ZBTB20: variants seen among roughly 807,000 people sequenced by gnomAD.
ZBTB20 encodes the protein zinc finger and BTB domain containing 20, also known as zinc finger and BTB domain-containing protein 20.
In ZBTB20, 9 loss-of-function variants were observed where a neutral mutation model predicts 56.9. The observed-to-expected ratio is 0.16, with a 90% CI of 0.10 to 0.28. The LOEUF (loss-of-function observed/expected upper bound fraction) is 0.28, where lower values mean the gene tolerates loss of function less well. ZBTB20 is among the 10% of genes least tolerant of loss of function. ZBTB20 has a pLI of 1.00. For synonymous variants in ZBTB20, 417 were observed against 420.7 expected (o/e 0.99, Z 0.11); for missense variants, 655 against 1,003.0 (o/e 0.65, Z 4.69).
At chr3:114,562,196 G>C (rs1420681125) in intron 6 of ZBTB20, among the ~76,000 whole-genome samples, 1 of 147,478 alleles carries the variant, frequency 6.8e-6, no homozygotes, top group African/African-American at 2.5e-5. Context: ...TTTTTTTTGA[G>C]ACGGTGTCAC....
intron 3 of ZBTB20, among the ~76,000 whole-genome samples, chr3:114,961,720 C>T (rs1267617072): frequency 6.6e-6 from 1 of 152,106 alleles, no homozygotes; most frequent in Non-Finnish European, 1.5e-5. Context: ...TAATACTTGT[C>T]TCATAACAGG....
chr3:114,574,438 A>G (rs953150048), intron 6 of ZBTB20, among the ~76,000 whole-genome samples: 3 of 152,238 alleles, frequency 2.0e-5, no homozygotes, highest in Non-Finnish European at 4.4e-5. Context: ...CTGTACCATT[A>G]CCAGCACTGA....
intron 7 of ZBTB20, among the ~76,000 whole-genome samples, chr3:114,493,084 A>AT (rs149914425): frequency 0.015 from 2,245 of 152,188 alleles, 33 homozygotes; most frequent in South Asian, 0.067. Flanking sequence ...ATCCTTACAT[A>AT]TTTTTTTCAT....
intron 1 of ZBTB20, among the ~76,000 whole-genome samples, chr3:115,104,102 C>T (rs78415974): frequency 3.3e-5 from 5 of 152,240 alleles, no homozygotes; most frequent in Non-Finnish European, 7.4e-5. Context: ...GAAAGGGGCT[C>T]CATATTATAT....
chr3:115,082,878 C>T (rs1576736881), intron 1 of ZBTB20, among the ~76,000 whole-genome samples: 2 of 151,946 alleles, frequency 1.3e-5, no homozygotes, highest in East Asian at 1.9e-4. Context: ...TAAATATACT[C>T]ATATTGTAAT....
intron 3 of ZBTB20, among the ~76,000 whole-genome samples, chr3:114,937,946 A>T (rs1006522926): frequency 6.6e-6 from 1 of 151,718 alleles, no homozygotes; most frequent in Admixed American, 6.6e-5. Context: ...AAACACAAAA[A>T]AATTGGCCGG....
intron 7 of ZBTB20, among the ~76,000 whole-genome samples, chr3:114,429,422 A>G (rs2089956664): frequency 6.6e-6 from 1 of 152,194 alleles, no homozygotes; most frequent in Non-Finnish European, 1.5e-5. Flanking sequence ...TAAAGATTGG[A>G]TTTCAGCTAT....
At chr3:114,728,263 T>C (rs1245813057) in intron 5 of ZBTB20, among the ~76,000 whole-genome samples, 1 of 152,176 alleles carries the variant, frequency 6.6e-6, no homozygotes, top group African/African-American at 2.4e-5. Context: ...GTTTATAAAT[T>C]ATTCTCACAA....
intron 4 of ZBTB20, among the ~76,000 whole-genome samples, chr3:114,824,078 A>C (rs2073394319): frequency 6.6e-6 from 1 of 151,970 alleles, no homozygotes; most frequent in African/African-American, 2.4e-5. Context: ...GTAGCTAGGA[A>C]ACGCTCCTCA....
rs1187167190 is a variant in ZBTB20, at chr3:114,380,239, G to A, written c.177C>T (p.His59=). 5.2e-6 allele frequency: 8 copies of A among 1,536,964 alleles called. No homozygotes were observed. Among genetic ancestry groups the A allele is most frequent in the African/African-American group, 2.7e-5 (2 of 73,120 alleles). Residue 59 remains histidine, a synonymous_variant, in exon 10 of 12, where the codon CAC becomes CAT. Coordinates refer to ENST00000675478, the MANE Select transcript of ZBTB20 (RefSeq NM_001348800.3). The part of the protein sequence containing the change: ...IHSTHSLTNS[H]AHTGSSDCDI... The stretch of plus-strand genomic sequence containing the variant: ...CACAATCAGATGACCCGGTGTGAGC[G>A]TGAGAGTTTGTCAGTGAATGTGTTG...
chr3:114,392,228 CT>C (rs933925086), intron 7 of ZBTB20, among the ~76,000 whole-genome samples: 50 of 152,076 alleles, frequency 3.3e-4, no homozygotes, highest in African/African-American at 1.2e-3. Flanking sequence ...AACAGAGTGA[CT>C]ATAGTCAATA....
chr3:114,772,550 C>G (rs367685274), intron 5 of ZBTB20, among the ~76,000 whole-genome samples: 1 of 151,870 alleles, frequency 6.6e-6, no homozygotes, highest in East Asian at 1.9e-4. Flanking sequence ...TTTCCCTCGC[C>G]CCTAGTTATT....
chr3:115,082,673 A>G (rs1289150328), intron 1 of ZBTB20, among the ~76,000 whole-genome samples: 1 of 152,142 alleles, frequency 6.6e-6, no homozygotes, highest in Non-Finnish European at 1.5e-5. Flanking sequence ...ACAAAAATAG[A>G]AAACAATTTA....
chr3:114,780,539 G>A (rs2070002341), intron 5 of ZBTB20, among the ~76,000 whole-genome samples: 1 of 152,178 alleles, frequency 6.6e-6, no homozygotes, highest in South Asian at 2.1e-4. Context: ...CCAGGCTGGA[G>A]TGCAGTGGTG....
chr3:114,716,990 C>T (rs377276307), intron 5 of ZBTB20, among the ~76,000 whole-genome samples: 120 of 152,126 alleles, frequency 7.9e-4, no homozygotes, highest in African/African-American at 2.9e-3. Context: ...CAAAAGGCTA[C>T]AGGGGAGGTG....
intron 2 of ZBTB20, among the ~76,000 whole-genome samples, chr3:115,037,616 A>T (rs2108375150): frequency 6.6e-6 from 1 of 152,300 alleles, no homozygotes; most frequent in South Asian, 2.1e-4. Flanking sequence ...GGTAATTTGG[A>T]CTTTCAAAAC....
chr3:114,384,100 T>TTTTCTC (rs2084744763), intron 8 of ZBTB20, among the ~76,000 whole-genome samples: 9 of 139,248 alleles, frequency 6.5e-5, no homozygotes, highest in Non-Finnish European at 3.1e-5. Context: ...TCAGTTCTCA[T>TTTTCTC]TCTCTCTCTC....
At chr3:114,987,973 C>A (rs1486946287) in intron 2 of ZBTB20, among the ~76,000 whole-genome samples, 1 of 151,916 alleles carries the variant, frequency 6.6e-6, no homozygotes, top group East Asian at 1.9e-4. Flanking sequence ...TGTCTAGGTA[C>A]AAACTGTCTT....
At chr3:114,854,956 C>A (rs1194267978) in intron 4 of ZBTB20, among the ~76,000 whole-genome samples, 1 of 152,194 alleles carries the variant, frequency 6.6e-6, no homozygotes, top group East Asian at 1.9e-4. Flanking sequence ...AGTTTCTCTG[C>A]TTCAATCAGC....
Sources: allele counts gnomAD v4.1 joint callset (sites outside exome capture counted in the v4.1 genomes callset), GRCh38; gene constraint gnomAD v4.1.1; transcripts MANE v1.5; gene names NCBI Gene and HGNC (gene_info 2026-07-23, HGNC 2026-07-21).